The following RGS5 variants were observed in gnomAD, a reference collection of about 807,000 sequenced individuals.
RGS5 encodes the protein regulator of G-protein signalling 5.
In RGS5, 20 loss-of-function variants were observed where a neutral mutation model predicts 18.9. The ratio of observed to expected loss-of-function variants is 1.06; its 90% CI spans 0.74 to 1.54. The LOEUF (loss-of-function observed/expected upper bound fraction) is 1.54. Ranked by LOEUF, RGS5 falls within the 40% of genes most tolerant of loss-of-function variation. RGS5 has a pLI of 0.00. For missense variants in RGS5, 201 were observed against 211.8 expected (o/e 0.95, Z 0.32); for synonymous variants, 57 against 76.2 (o/e 0.75, Z 1.31).
chr1:163,308,181 T>C (rs139052274), intron 1 of RGS5, among the ~76,000 whole-genome samples: 6 of 152,356 alleles, frequency 3.9e-5, no homozygotes, highest in African/African-American at 1.2e-4. Flanking sequence ...AAAGTTATTC[T>C]TTGAAAATGA....
intron 2 of RGS5, among the ~76,000 whole-genome samples, chr1:163,243,003 A>G (rs1647829332): frequency 6.6e-6 from 1 of 152,214 alleles, no homozygotes. Flanking sequence ...GTTCAAAGAT[A>G]CATTTGTATA....
chr1:163,254,923 G>A lies in RGS5; in HGVS notation c.-281+51310C>T, dbSNP rs549267234. On this transcript the variant is annotated intron_variant, in intron 2 of 5. Coordinates refer to the RGS5 transcript ENST00000618415. ...ATAGGGAATCCTTTCCCCATTGCTT[G>A]TTTTTCTCAGGTTTGTCAAAGATCA... 7.2e-5 allele frequency among the ~76,000 whole-genome samples: 11 copies of A among 151,768 alleles called. No homozygotes were observed. In the East Asian group the frequency reaches 2.1e-3, roughly 29 times the overall value.
In RGS5 at chr1:163,262,172, T is replaced by TTA. The variant is rs1287651931; in HGVS notation, c.-281+44060_-281+44061insTA. ...GAAACTTTTTTTTTTTTTTTTTTATTATACTCTAAGTTTTAGGGTACATGT... is the reference window on the plus strand; with the variant it reads ...GAAACTTTTTTTTTTTTTTTTTTATTTAATACTCTAAGTTTTAGGGTACATGT... On this transcript the variant is annotated intron_variant, in intron 2 of 5. Coordinates refer to the RGS5 transcript ENST00000618415. 2.2e-4 allele frequency among the ~76,000 whole-genome samples: 32 copies of TTA among 145,014 alleles called. 4 individuals carry two copies. The highest frequency in any genetic ancestry group is 3.2e-4 in the Non-Finnish European group (21 of 66,234).
chr1:163,234,801 GGAGGGCTGGCT>G (rs1224532773), intron 2 of RGS5, among the ~76,000 whole-genome samples: 1 of 152,156 alleles, frequency 6.6e-6, no homozygotes, highest in African/African-American at 2.4e-5. Flanking sequence ...GCATTCACCT[GGAGGGCTGGCT>G]GAGCTGTGAA....
At chr1:163,188,635 C>T (rs1659196873) in intron 1 of RGS5, among the ~76,000 whole-genome samples, 1 of 152,080 alleles carries the variant, frequency 6.6e-6, no homozygotes, top group South Asian at 2.1e-4. Flanking sequence ...GAGGTTATTC[C>T]TGAGGGAAGA....
At chr1:163,155,457 G>A (rs1657542675) in intron 3 of RGS5, among the ~76,000 whole-genome samples, 1 of 151,986 alleles carries the variant, frequency 6.6e-6, no homozygotes, top group Non-Finnish European at 1.5e-5. Flanking sequence ...GCTTTATATT[G>A]TATTCGTCTG....
chr1:163,308,263 TAA>T (rs1328993009), intron 1 of RGS5, among the ~76,000 whole-genome samples: 9 of 152,208 alleles, frequency 5.9e-5, no homozygotes, highest in Non-Finnish European at 1.3e-4. Context: ...TGTGCCATTC[TAA>T]AATAGAATGA....
At chr1:163,160,898 T>C (rs1657771840) in intron 3 of RGS5, among the ~76,000 whole-genome samples, 1 of 152,214 alleles carries the variant, frequency 6.6e-6, no homozygotes, top group Non-Finnish European at 1.5e-5. Context: ...ATATACTTCC[T>C]GTTTTGAAAT....
chr1:163,172,446 C>A, intron 1 of RGS5: 1 of 1,206,960 alleles, frequency 8.3e-7, no homozygotes, highest in South Asian at 1.5e-5. Flanking sequence ...ACTATTTTAT[C>A]TATATCACTG....
chr1:163,180,562 GT>G (rs564233424), intron 1 of RGS5, among the ~76,000 whole-genome samples: 2 of 151,626 alleles, frequency 1.3e-5, no homozygotes, highest in Non-Finnish European at 2.9e-5. Flanking sequence ...TTATTCCCAC[GT>G]TTTTTGGGTG....
chr1:163,166,289 GT>G (rs1299806374), intron 2 of RGS5, among the ~76,000 whole-genome samples: 1 of 150,200 alleles, frequency 6.7e-6, no homozygotes, highest in Admixed American at 6.8e-5. Flanking sequence ...GTCCATTTTT[GT>G]TTTTAAAAGT....
Position 163,168,317 on chromosome 1 carries a change from T to A in RGS5, c.96A>T (p.Ser32=). 1.2e-6 allele frequency: 2 copies of A among 1,613,954 alleles called. No homozygotes were observed. The highest frequency in any genetic ancestry group is 1.7e-6 in the Non-Finnish European group (2 of 1,179,850). Residue 32 remains serine, a synonymous_variant, in exon 2 of 5, where the codon TCA becomes TCT. Transcript: ENST00000313961. ...KLGILLQKPD[S]VGDLVIPYNE... ...TGTACGGAATGACAAGGTCACCAAC[T>A]GAGTCTGGCTTCTGGAGGAGAATTC...
chr1:163,311,268 A>C (rs187105783), intron 1 of RGS5, among the ~76,000 whole-genome samples: 1 of 152,336 alleles, frequency 6.6e-6, no homozygotes. Context: ...GGTTTAAGAA[A>C]ATGTTGTGGC....
At chr1:163,155,786 C>T (rs967151886) in intron 3 of RGS5, among the ~76,000 whole-genome samples, 1 of 152,168 alleles carries the variant, frequency 6.6e-6, no homozygotes, top group Non-Finnish European at 1.5e-5. Flanking sequence ...CACATTCTTC[C>T]CTGCTGAGCC....
intron 2 of RGS5, among the ~76,000 whole-genome samples, chr1:163,262,179 T>TA (rs1648461435): frequency 7.3e-6 from 1 of 137,386 alleles, no homozygotes; most frequent in Non-Finnish European, 1.6e-5. Flanking sequence ...TATTATACTC[T>TA]AAGTTTTAGG....
intron 1 of RGS5, among the ~76,000 whole-genome samples, chr1:163,190,720 C>T (rs565760918): frequency 1.3e-5 from 2 of 152,294 alleles, no homozygotes; most frequent in South Asian, 4.1e-4. Flanking sequence ...AACAGGTGAG[C>T]CCAGTGGGCT....
chr1:163,253,178 C>T (rs1236088940), intron 2 of RGS5, among the ~76,000 whole-genome samples: 5 of 152,174 alleles, frequency 3.3e-5, no homozygotes, highest in Non-Finnish European at 5.9e-5. Context: ...AGTGTTGAAG[C>T]AGTCCTCCAC....
chr1:163,263,083 T>C (rs1648492696), intron 2 of RGS5, among the ~76,000 whole-genome samples: 1 of 152,214 alleles, frequency 6.6e-6, no homozygotes, highest in Non-Finnish European at 1.5e-5. Flanking sequence ...CTTCATTGCT[T>C]GGGCTTTATA....
intron 2 of RGS5, among the ~76,000 whole-genome samples, chr1:163,274,041 G>C (rs547976619): frequency 2.6e-5 from 4 of 152,294 alleles, no homozygotes; most frequent in African/African-American, 9.6e-5. Context: ...GGATTTGTGT[G>C]TGAATTGGCA....
Sources: gnomAD v4.1 joint callset for allele counts (sites outside exome capture counted in the v4.1 genomes callset) on GRCh38, gnomAD v4.1.1 for gene constraint, MANE v1.5 for transcripts, NCBI Gene and HGNC (gene_info 2026-07-23, HGNC 2026-07-21) for gene names.